The following PPA2 variants were observed in gnomAD, a reference collection of about 807,000 sequenced individuals.
PPA2 encodes inorganic pyrophosphatase 2, mitochondrial.
PPA2 carries 48 observed loss-of-function variants against 49.5 expected under a neutral mutation model. That is an observed-to-expected ratio of 0.97 (90% CI 0.77 to 1.23). PPA2 has a LOEUF of 1.23. Among genes scored for constraint, PPA2 ranks in the 50% most tolerant of loss-of-function variants. The probability of loss-of-function intolerance (pLI) is 0.00; values close to 1 mark genes in which losing one functional copy is unlikely to be tolerated. For synonymous variants in PPA2, 131 were observed against 139.9 expected (o/e 0.94, Z 0.45); for missense variants, 429 against 410.1 (o/e 1.05, Z -0.40).
At chr4:105,451,832 ACCTG>A (rs751960648) in intron 3 of PPA2, among the ~76,000 whole-genome samples, 24 of 152,206 alleles carry the variant, frequency 1.6e-4, no homozygotes, top group Non-Finnish European at 3.1e-4. Context: ...CTTATTTCCA[ACCTG>A]CCTTTCTTCT....
intron 9 of PPA2, among the ~76,000 whole-genome samples, chr4:105,392,316 T>A (rs1733957759): frequency 6.6e-6 from 1 of 151,056 alleles, no homozygotes; most frequent in Non-Finnish European, 1.5e-5. Context: ...AAGGTATCAA[T>A]GAAAAGAACT....
intron 4 of PPA2, among the ~76,000 whole-genome samples, chr4:105,448,575 T>TAA (rs879922701): frequency 1.5e-5 from 2 of 131,042 alleles, no homozygotes; most frequent in Non-Finnish European, 1.7e-5. Context: ...CGGAAAAATT[T>TAA]AAAAAAAAAA....
intron 10 of PPA2, among the ~76,000 whole-genome samples, chr4:105,383,219 C>A (rs939634658): frequency 6.6e-6 from 1 of 152,118 alleles, no homozygotes; most frequent in African/African-American, 2.4e-5. Flanking sequence ...GTAAACAAAG[C>A]CCAATAATCA....
At chr4:105,385,125 T>G (rs1369548754) in intron 10 of PPA2, among the ~76,000 whole-genome samples, 1 of 152,194 alleles carries the variant, frequency 6.6e-6, no homozygotes, top group African/African-American at 2.4e-5. Flanking sequence ...GTCAGCCCTC[T>G]TCTTAGTGAG....
intron 6 of PPA2, among the ~76,000 whole-genome samples, chr4:105,435,023 A>G (rs145738551): frequency 1.3e-5 from 2 of 152,364 alleles, no homozygotes; most frequent in Admixed American, 1.3e-4. Context: ...AATGAACAAT[A>G]CAAAATCCCT....
intron 7 of PPA2, among the ~76,000 whole-genome samples, chr4:105,419,366 T>C (rs140067394): frequency 0.011 from 1,744 of 152,288 alleles, 25 homozygotes; most frequent in African/African-American, 0.04. Flanking sequence ...GTCCATGTAT[T>C]CTCACTGTTC....
intron 6 of PPA2, among the ~76,000 whole-genome samples, chr4:105,434,638 A>T (rs1311385360): frequency 6.6e-6 from 1 of 152,230 alleles, no homozygotes; most frequent in African/African-American, 2.4e-5. Context: ...TATAGCTTTT[A>T]AAAAGCACAT....
chr4:105,459,766 A>G (rs780016943), intron 1 of PPA2, among the ~76,000 whole-genome samples: 11 of 152,376 alleles, frequency 7.2e-5, no homozygotes, highest in Admixed American at 3.3e-4. Context: ...ATTGATACAC[A>G]CAATAAAATG....
At chr4:105,376,794 C>T (rs1190481680) in intron 10 of PPA2, among the ~76,000 whole-genome samples, 1 of 152,128 alleles carries the variant, frequency 6.6e-6, no homozygotes, top group African/African-American at 2.4e-5. Context: ...TCTGGGAATC[C>T]TTTAGCACTG....
At chr4:105,450,601 C>CTTTTTTT (rs575896250) in intron 3 of PPA2, among the ~76,000 whole-genome samples, 7,787 of 81,998 alleles carry the variant, frequency 0.095, 1,446 homozygotes, top group Non-Finnish European at 0.13. Flanking sequence ...GTCTGGAATT[C>CTTTTTTT]TTTTTTTTTT....
chr4:105,413,307 C>T (rs1332426441), intron 7 of PPA2, among the ~76,000 whole-genome samples: 1 of 150,222 alleles, frequency 6.7e-6, no homozygotes, highest in East Asian at 2.0e-4. Flanking sequence ...CATCACACAC[C>T]AGGGCCTGTT....
chr4:105,413,771 T>C (rs563033666), intron 7 of PPA2, among the ~76,000 whole-genome samples: 28 of 152,184 alleles, frequency 1.8e-4, no homozygotes, highest in Non-Finnish European at 1.8e-4. Context: ...ATTGTAAAGA[T>C]AATAAAATAC....
intron 9 of PPA2, among the ~76,000 whole-genome samples, chr4:105,395,230 T>A (rs1374513027): frequency 1.3e-5 from 2 of 152,152 alleles, no homozygotes; most frequent in Non-Finnish European, 2.9e-5. Context: ...TCTTGATAAC[T>A]TAGGTAAAAT....
chr4:105,420,422 A>C (rs1270856244), intron 7 of PPA2, among the ~76,000 whole-genome samples: 1 of 152,112 alleles, frequency 6.6e-6, no homozygotes, highest in African/African-American at 2.4e-5. Context: ...TACTTTTTAA[A>C]TGCCTAATAA....
intron 7 of PPA2, among the ~76,000 whole-genome samples, chr4:105,404,199 G>C (rs546225241): frequency 3.8e-4 from 57 of 151,612 alleles, no homozygotes; most frequent in South Asian, 2.9e-3. Context: ...CAAAGAAAAT[G>C]TTAAGAAATT....
At chr4:105,395,602 C>T (rs1486440751) in intron 9 of PPA2, among the ~76,000 whole-genome samples, 1 of 151,818 alleles carries the variant, frequency 6.6e-6, no homozygotes, top group East Asian at 1.9e-4. Context: ...TAAAAAGCCT[C>T]AATAAAGGTG....
intron 7 of PPA2, among the ~76,000 whole-genome samples, chr4:105,402,179 G>A (rs1337169015): frequency 2.6e-5 from 4 of 152,050 alleles, no homozygotes; most frequent in African/African-American, 9.7e-5. Context: ...AGCTGAGGTG[G>A]GAGGATTGCT....
chr4:105,407,405 A>G (rs1006617417), intron 7 of PPA2, among the ~76,000 whole-genome samples: 1 of 152,242 alleles, frequency 6.6e-6, no homozygotes, highest in Non-Finnish European at 1.5e-5. Flanking sequence ...ACAAAATGGT[A>G]GAGCCACTCT....
chr4:105,408,687 T>A (rs2110246330), intron 7 of PPA2, among the ~76,000 whole-genome samples: 1 of 152,230 alleles, frequency 6.6e-6, no homozygotes, highest in South Asian at 2.1e-4. Flanking sequence ...ACTGCAATAG[T>A]TAAAAATGGC....
Sources: gnomAD v4.1 joint callset for allele counts (sites outside exome capture counted in the v4.1 genomes callset) on GRCh38, gnomAD v4.1.1 for gene constraint, MANE v1.5 for transcripts, NCBI Gene and HGNC (gene_info 2026-07-23, HGNC 2026-07-21) for gene names.